TAF5: variants seen among roughly 807,000 people sequenced by gnomAD.
TAF5 encodes the protein transcription initiation factor TFIID subunit 5.
Under a neutral mutation model 80.9 loss-of-function variants are expected in TAF5, and 20 were observed. The ratio of observed to expected loss-of-function variants is 0.25; its 90% CI spans 0.17 to 0.36. The LOEUF is 0.36. Ranked by LOEUF, TAF5 falls within the 10% of genes least tolerant of loss-of-function variation. The pLI, the probability that TAF5 is intolerant of heterozygous loss-of-function variation, is 1.00. For missense variants in TAF5, 863 were observed against 1,029.4 expected (o/e 0.84, Z 2.21); for synonymous variants, 388 against 406.4 (o/e 0.95, Z 0.55).
intron 2 of TAF5, among the ~76,000 whole-genome samples, chr10:103,375,567 G>A (rs894117162): frequency 6.6e-6 from 1 of 152,132 alleles, no homozygotes; most frequent in African/African-American, 2.4e-5. Context: ...CAGAACAGAG[G>A]TAGGGACTAG....
intron 2 of TAF5, among the ~76,000 whole-genome samples, chr10:103,377,903 A>G (rs1233587635): frequency 2.0e-5 from 3 of 152,156 alleles, no homozygotes; most frequent in African/African-American, 4.8e-5. Context: ...TATATTTTCA[A>G]ATGTCTACCA....
intron 5 of TAF5, among the ~76,000 whole-genome samples, 175 bp downstream of exon 5, chr10:103,380,194 T>C (rs2093379358): frequency 6.6e-6 from 1 of 151,872 alleles, no homozygotes; most frequent in Non-Finnish European, 1.5e-5. Context: ...AGTGGCGCGA[T>C]CTCAGCTCAC....
chr10:103,370,412 G>A lies in TAF5; in HGVS notation c.559+1864G>A, dbSNP rs181256983. Among the ~76,000 whole-genome samples, 1,117 of 130,484 alleles carry A rather than the reference G, an allele frequency of 8.6e-3. 6 individuals are homozygous for A. Among genetic ancestry groups the A allele is most frequent in the Non-Finnish European group, 0.01 (668 of 63,942 alleles). 85.6% of individuals were successfully genotyped at this position (130,484 alleles called of 152,430 possible). ...GTGATCTTGGCTCACTGCAACCTCC[G>A]CCTCCCAGGTTCAAGCGATTCTCCT... On this transcript the variant is annotated intron_variant, in intron 1 of 10. Transcript: ENST00000369839.
chr10:103,383,261 T>C lies in TAF5; in HGVS notation c.1558T>C (p.Ser520Pro). The C allele has an allele frequency of 6.3e-7, 1 of 1,590,608 alleles. No homozygotes were observed. The highest frequency in any genetic ancestry group is 8.5e-7 in the Non-Finnish European group (1 of 1,173,392). ...AGATCTTAGTCTTATAGACAAAGAATCAGATGATGTCTTAGAAAGAATCAT... is the reference window on the plus strand; with the variant it reads ...AGATCTTAGTCTTATAGACAAAGAACCAGATGATGTCTTAGAAAGAATCAT... ...ASDLSLIDKE[S>P]DDVLERIMDE... The change falls in exon 7 of 11, where the codon TCA becomes CCA. Residue 520 changes from serine (S) to proline (P), a missense_variant. Ser to Pro is a moderately conservative substitution (Grantham distance 74). Transcript: ENST00000369839.
intron 2 of TAF5, among the ~76,000 whole-genome samples, chr10:103,376,590 AAAAT>A (rs1315791999): frequency 6.6e-6 from 1 of 152,102 alleles, no homozygotes; most frequent in Non-Finnish European, 1.5e-5. Flanking sequence ...GAAAAAAAAA[AAAAT>A]AAGAAAGGCT....
intron 8 of TAF5, among the ~76,000 whole-genome samples, chr10:103,386,020 AAT>A (rs1186646361): frequency 1.3e-5 from 2 of 152,014 alleles, no homozygotes; most frequent in Admixed American, 6.6e-5. Context: ...GTTTTTAAAA[AAT>A]AGTTAATTAA....
In TAF5 at chr10:103,378,091, G is replaced by A; in HGVS notation, c.798-144G>A. 1 of 627,364 alleles carries A rather than the reference G, an allele frequency of 1.6e-6. No individual in the cohort carries two copies. The highest frequency in any genetic ancestry group is 2.9e-5 in the East Asian group (1 of 34,858). The allele number at this position is 627,364 out of a possible 1,614,324, so 38.9% of individuals were successfully genotyped here. A position where few individuals can be genotyped will look rare whatever the true frequency, so the allele number is the denominator to read the frequency against. On this transcript the variant is annotated intron_variant, in intron 2 of 10. Transcript: ENST00000369839. The surrounding 1 kb of genome is among the most constrained non-coding windows in gnomAD (Gnocchi z 4.1). ...CTGAATTATAGTCATTTTGAAATGA[G>A]TTACTTCTTATCCTACAGCTTAGTT...
intron 1 of TAF5, among the ~76,000 whole-genome samples, chr10:103,372,911 A>G (rs1817505495): frequency 6.6e-6 from 1 of 151,336 alleles, no homozygotes. Flanking sequence ...GAAAAAAAAA[A>G]AAGACTACGT....
chr10:103,387,023 C>T (rs1481175364), intron 8 of TAF5, 152 bp from the exon 9 acceptor site: 5 of 686,112 alleles, frequency 7.3e-6, no homozygotes, highest in Non-Finnish European at 9.2e-6. Context: ...CTGTGAGTCT[C>T]ATTTTTCTTC....
At chr10:103,381,498 C>A (rs2093382870) in intron 5 of TAF5, among the ~76,000 whole-genome samples, 1 of 152,084 alleles carries the variant, frequency 6.6e-6, no homozygotes, top group Non-Finnish European at 1.5e-5. Flanking sequence ...AACTCCTAAC[C>A]TCAGGTGATC....
chr10:103,388,141 T>C lies in TAF5; in HGVS notation c.2321T>C (p.Met774Thr). ...NSQELLLGTY[M>T]TKSTPVVHLH... The stretch of plus-strand genomic sequence containing the variant: ...CAGGAGTTATTGTTGGGAACATATA[T>C]GACCAAATCAACACCAGTTGTACAC... The change falls in exon 11 of 11, where the codon ATG becomes ACG. Residue 774 changes from methionine (M) to threonine (T), a missense_variant. By Grantham distance (81) the Met-to-Thr change is moderately conservative. Coordinates refer to ENST00000369839, the MANE Select transcript of TAF5 (RefSeq NM_006951.5). 1.2e-6 allele frequency: 2 copies of C among 1,614,106 alleles called. No homozygotes were observed. Among genetic ancestry groups the C allele is most frequent in the Non-Finnish European group, 1.7e-6 (2 of 1,179,992 alleles).
At position 103,379,981 on chromosome 10, in the gene TAF5, C is replaced by A. The variant is rs2093378811; in HGVS notation, c.1375C>A (p.Pro459Thr). 1 of 1,613,884 alleles carries A rather than the reference C, an allele frequency of 6.2e-7. No homozygotes were observed. Among genetic ancestry groups the A allele is most frequent in the Admixed American group, 1.7e-5 (1 of 59,964 alleles). ...AGTGCGCCTTGGGCCGGACTGCTTA[C>A]CCTCCATTTGTTTCTATACATTTCT... ...KRVRLGPDCLPSICFYTFLNA... is the reference protein window; with the variant it reads ...KRVRLGPDCLTSICFYTFLNA... The change falls in exon 5 of 11, where the codon CCC (proline) becomes ACC (threonine). Residue 459 changes from proline (P) to threonine (T), a missense_variant. Around this residue, in one of 3 missense-constraint regions of TAF5, gnomAD observed 368 missense variants for 461.7 expected, o/e 0.80. Transcript: ENST00000369839.
chr10:103,380,039 G>T lies in TAF5; in HGVS notation c.1413+20G>T, dbSNP rs368480649. 1 of 1,606,340 alleles carries T rather than the reference G, an allele frequency of 6.2e-7. No individual in the cohort carries two copies. The highest frequency in any genetic ancestry group is 8.5e-7 in the Non-Finnish European group (1 of 1,176,840). On this transcript the variant is annotated intron_variant, in intron 5 of 10. Coordinates refer to ENST00000369839, the MANE Select transcript of TAF5 (RefSeq NM_006951.5). ...TACCAGGTTGGTAAAAAAATTGGGCGATTTCTGCCTGGAGAGTCATGTAGG... is the reference window on the plus strand; with the variant it reads ...TACCAGGTTGGTAAAAAAATTGGGCTATTTCTGCCTGGAGAGTCATGTAGG...
At chr10:103,383,818 T>C (rs910950132) in intron 7 of TAF5, among the ~76,000 whole-genome samples, 17 of 152,154 alleles carry the variant, frequency 1.1e-4, no homozygotes, top group Admixed American at 1.0e-3. Flanking sequence ...CCTCAGGTGA[T>C]CTGCCCACCT....
intron 7 of TAF5, among the ~76,000 whole-genome samples, chr10:103,384,051 T>C (rs954876150): frequency 5.3e-5 from 8 of 152,282 alleles, no homozygotes; most frequent in African/African-American, 1.9e-4. Context: ...AATTGCTTCA[T>C]TGGGTCCCTG....
Position 103,383,361 on chromosome 10 carries a change from C to T in TAF5, c.1658C>T (p.Pro553Leu), listed in dbSNP as rs758942294. 5.0e-6 allele frequency: 8 copies of T among 1,586,642 alleles called. No homozygotes were observed. Among genetic ancestry groups the T allele is most frequent in the South Asian group, 3.5e-5 (3 of 85,594 alleles). The change falls in exon 7 of 11, where the codon CCG becomes CTG. Residue 553 changes from proline to leucine, a missense_variant. This residue lies in a region of TAF5 where 368 missense variants were observed against 461.7 expected (regional missense o/e 0.80). Coordinates refer to ENST00000369839, the MANE Select transcript of TAF5 (RefSeq NM_006951.5). The stretch of plus-strand genomic sequence containing the variant: ...CCTGTCTACGGAGCCAGCTTCAGTC[C>T]GGATAGGTAAAATACAAACAATAAA... The part of the protein sequence containing the change: ...SGPVYGASFS[P>L]DRNYLLSSSE...
chr10:103,381,910 TACAC>T, intron 6 of TAF5, 69 bp downstream of exon 6: 1 of 1,580,438 alleles, frequency 6.3e-7, no homozygotes, highest in Non-Finnish European at 8.7e-7. Context: ...CCATGGAAAA[TACAC>T]AGGAGATTGT....
intron 7 of TAF5, among the ~76,000 whole-genome samples, chr10:103,384,600 C>T (rs1592095605): frequency 1.3e-5 from 2 of 152,226 alleles, no homozygotes; most frequent in African/African-American, 4.8e-5. Context: ...CACTGCACTC[C>T]AGCCTGGGTG....
chr10:103,368,366 C>G lies in TAF5; in HGVS notation c.377C>G (p.Ala126Gly). The change falls in exon 1 of 11, where the codon GCA becomes GGA. Residue 126 changes from alanine (A) to glycine (G), a missense_variant. By Grantham distance (60) the Ala-to-Gly change is moderately conservative. Coordinates refer to ENST00000369839, the MANE Select transcript of TAF5 (RefSeq NM_006951.5). Reference sequence around the variant, plus strand: ...CGTGAGGCCGGGCTGCTGGAGGAGGCAGTGGCGGGCTCCGGAGCCCCGGGA... The same window carrying G: ...CGTGAGGCCGGGCTGCTGGAGGAGGGAGTGGCGGGCTCCGGAGCCCCGGGA... ...LRREAGLLEEAVAGSGAPGEV... is the reference protein window; with the variant it reads ...LRREAGLLEEGVAGSGAPGEV... The G allele has an allele frequency of 6.4e-7, 1 of 1,564,642 alleles. No individual in the cohort carries two copies. Among genetic ancestry groups the G allele is most frequent in the Non-Finnish European group, 8.6e-7 (1 of 1,164,002 alleles).
Sources: allele counts gnomAD v4.1 joint callset (sites outside exome capture counted in the v4.1 genomes callset), GRCh38; gene constraint gnomAD v4.1.1; regional missense constraint gnomAD v4.1.1; non-coding constraint Gnocchi (gnomAD v3.1); transcripts MANE v1.5; gene names NCBI Gene and HGNC (gene_info 2026-07-23, HGNC 2026-07-21).